PCLO: variants seen among roughly 807,000 people sequenced by gnomAD.
PCLO encodes protein piccolo.
A neutral mutation model predicts 427.5 loss-of-function variants in PCLO; 82 were observed. The observed-to-expected ratio is 0.19, with a 90% CI of 0.16 to 0.23. The LOEUF is 0.23. Among genes scored for constraint, PCLO ranks in the 10% least tolerant of loss-of-function variants. The pLI is 1.00. For missense variants in PCLO, 6,239 were observed against 6,115.9 expected, an observed-to-expected ratio of 1.02 and a Z score of -0.67; for synonymous variants, 2,357 against 2,155.4, an observed-to-expected ratio of 1.09 and a Z score of -2.59.
chr7:83,046,411 A>T (rs888884917), intron 3 of PCLO, among the ~76,000 whole-genome samples: 1 of 152,042 alleles, frequency 6.6e-6, no homozygotes, highest in Non-Finnish European at 1.5e-5. Flanking sequence ...TTGTATACCT[A>T]TGTTAAAGAA....
At chr7:82,923,604 A>T (rs1794646476) in intron 6 of PCLO, among the ~76,000 whole-genome samples, 1 of 152,120 alleles carries the variant, frequency 6.6e-6, no homozygotes. Context: ...GCTCTGTCAA[A>T]GAGAAAATTG....
chr7:83,139,786 G>T (rs577367626), intron 2 of PCLO, among the ~76,000 whole-genome samples: 3 of 152,190 alleles, frequency 2.0e-5, no homozygotes, highest in African/African-American at 7.2e-5. Context: ...TAGAATACGG[G>T]TTGAAATCAT....
At chr7:82,964,959 G>T (rs1461451418) in intron 4 of PCLO, among the ~76,000 whole-genome samples, 1 of 152,050 alleles carries the variant, frequency 6.6e-6, no homozygotes, top group Non-Finnish European at 1.5e-5. Context: ...TAATTTCCTG[G>T]TAAGTCATTG....
chr7:82,888,935 A>T (rs1034335435), intron 9 of PCLO, among the ~76,000 whole-genome samples: 8 of 152,092 alleles, frequency 5.3e-5, no homozygotes, highest in African/African-American at 1.9e-4. Flanking sequence ...GGGTCGAACC[A>T]CAAGTTCCCC....
chr7:83,090,270 C>T (rs1489467941), intron 3 of PCLO, among the ~76,000 whole-genome samples: 3 of 152,152 alleles, frequency 2.0e-5, no homozygotes, highest in East Asian at 3.8e-4. Flanking sequence ...TAAACTAATG[C>T]AATTTACTGG....
chr7:83,032,872 G>T (rs1788706619), intron 3 of PCLO, among the ~76,000 whole-genome samples: 1 of 152,114 alleles, frequency 6.6e-6, no homozygotes, highest in African/African-American at 2.4e-5. Flanking sequence ...ATATGGTTTG[G>T]CTGTGTGTTC....
intron 20 of PCLO, among the ~76,000 whole-genome samples, chr7:82,807,555 C>T (rs1284445843): frequency 2.0e-5 from 3 of 151,886 alleles, no homozygotes; most frequent in Non-Finnish European, 2.9e-5. Flanking sequence ...GGAAATCCAC[C>T]CTCAGGGTAG....
chr7:83,124,107 G>A (rs1368913209), intron 3 of PCLO, among the ~76,000 whole-genome samples: 3 of 151,430 alleles, frequency 2.0e-5, no homozygotes, highest in South Asian at 2.1e-4. Context: ...TCAGGAAATC[G>A]AGACCATCCT....
chr7:82,783,400 G>A (rs1790915787), intron 22 of PCLO, among the ~76,000 whole-genome samples: 2 of 152,224 alleles, frequency 1.3e-5, no homozygotes, highest in Admixed American at 6.5e-5. Context: ...GGATCACGAC[G>A]TCAGGAGATC....
intron 9 of PCLO, among the ~76,000 whole-genome samples, chr7:82,893,781 T>C (rs1793835146): frequency 6.6e-6 from 1 of 151,984 alleles, no homozygotes; most frequent in Admixed American, 6.6e-5. Context: ...TCTCAGAATA[T>C]TGTTGTTTCT....
intron 10 of PCLO, among the ~76,000 whole-genome samples, chr7:82,873,383 A>G (rs919639290): frequency 6.6e-5 from 10 of 152,044 alleles, no homozygotes; most frequent in Non-Finnish European, 1.3e-4. Context: ...AATAAGTGAA[A>G]TAAGAAAAAA....
intron 22 of PCLO, among the ~76,000 whole-genome samples, chr7:82,762,824 T>C (rs1411597478): frequency 1.3e-5 from 2 of 152,082 alleles, no homozygotes; most frequent in African/African-American, 4.8e-5. Flanking sequence ...CTTCCTTCTG[T>C]AGAGATGGAG....
chr7:82,871,246 C>A (rs1793229727), intron 10 of PCLO, among the ~76,000 whole-genome samples: 2 of 151,890 alleles, frequency 1.3e-5, no homozygotes, highest in South Asian at 4.2e-4. Flanking sequence ...ACTGTGGTAT[C>A]AATACATAAT....
chr7:83,055,334 T>C (rs911231979), intron 3 of PCLO, among the ~76,000 whole-genome samples: 2 of 152,134 alleles, frequency 1.3e-5, no homozygotes, highest in Non-Finnish European at 1.5e-5. Flanking sequence ...AATTACTTAT[T>C]GATTTTATTT....
chr7:82,882,575 A>T (rs1351359221), intron 9 of PCLO, among the ~76,000 whole-genome samples: 1 of 152,180 alleles, frequency 6.6e-6, no homozygotes, highest in Non-Finnish European at 1.5e-5. Flanking sequence ...TAATTTCACA[A>T]TACATAAGCA....
intron 6 of PCLO, among the ~76,000 whole-genome samples, chr7:82,941,456 T>C (rs1307160278): frequency 1.3e-5 from 2 of 152,182 alleles, no homozygotes; most frequent in African/African-American, 4.8e-5. Context: ...TCTTATTTAG[T>C]GCAAATAAAA....
chr7:83,123,956 CAAAAAAAAAA>C (rs71074625), intron 3 of PCLO, among the ~76,000 whole-genome samples: 1 of 29,056 alleles, frequency 3.4e-5, no homozygotes, highest in Non-Finnish European at 5.4e-5. Flanking sequence ...AACTCTGTCT[CAAAAAAAAAA>C]AAAAAAAAAA....
At chr7:82,815,203 A>C (rs1791652987) in intron 20 of PCLO, among the ~76,000 whole-genome samples, 1 of 152,050 alleles carries the variant, frequency 6.6e-6, no homozygotes, top group African/African-American at 2.4e-5. Context: ...AAACGAACAA[A>C]ACAAGAAAAT....
In PCLO at chr7:82,835,678, G is replaced by A. The variant is rs747475912; in HGVS notation, c.14238C>T (p.Val4746=). 5 of 1,609,608 alleles carry A rather than the reference G, an allele frequency of 3.1e-6. No homozygotes were observed. Among genetic ancestry groups the A allele is most frequent in the Non-Finnish European group, 4.2e-6 (5 of 1,177,658 alleles). The change falls in exon 16 of 25, where the codon GTC becomes GTT. Residue 4746 remains valine, a synonymous_variant. Transcript: ENST00000333891. The stretch of plus-strand genomic sequence containing the variant: ...AGAAACAACTCTACCTTGCATTCTG[G>A]ACAACCATGACTTGACTGCATTGAT... ...LLPGRGQVMV[V]QNASAEYKRR...
Sources: gnomAD v4.1 joint callset for allele counts (sites outside exome capture counted in the v4.1 genomes callset) on GRCh38, gnomAD v4.1.1 for gene constraint, MANE v1.5 for transcripts, NCBI Gene and HGNC (gene_info 2026-07-23, HGNC 2026-07-21) for gene names.